The following RAB27A variants were observed in gnomAD, a reference collection of about 807,000 sequenced individuals.
RAB27A encodes ras-related protein Rab-27A.
RAB27A carries 17 observed loss-of-function variants against 20.8 expected under a neutral mutation model. That is an observed-to-expected ratio of 0.82 (90% CI 0.56 to 1.23). RAB27A has a LOEUF of 1.23. Among genes scored for constraint, RAB27A ranks in the 50% most tolerant of loss-of-function variants. The pLI, the probability that RAB27A is intolerant of heterozygous loss-of-function variation, is 0.00. For synonymous variants in RAB27A, 85 were observed against 92.8 expected (o/e 0.92, Z 0.48); for missense variants, 277 against 266.7 (o/e 1.04, Z -0.27).
At chr15:55,212,672 G>GTCAT (rs1415605289) in intron 6 of RAB27A, among the ~76,000 whole-genome samples, 1 of 151,992 alleles carries the variant, frequency 6.6e-6, no homozygotes, top group African/African-American at 2.4e-5. Context: ...TGGGATTACA[G>GTCAT]GCGGCTGCCA....
intron 6 of RAB27A, among the ~76,000 whole-genome samples, chr15:55,220,551 A>T (rs1160718029): frequency 6.6e-6 from 1 of 152,146 alleles, no homozygotes; most frequent in Non-Finnish European, 1.5e-5. Flanking sequence ...CATTGCAGGT[A>T]TGAGCCACCA....
intron 6 of RAB27A, among the ~76,000 whole-genome samples, chr15:55,219,884 T>G (rs1253552262): frequency 6.6e-6 from 1 of 152,160 alleles, no homozygotes; most frequent in African/African-American, 2.4e-5. Context: ...AGAGATCACT[T>G]TGATTTGTTA....
At chr15:55,210,412 G>GTGT (rs1555391924) in intron 6 of RAB27A, among the ~76,000 whole-genome samples, 6 of 128,014 alleles carry the variant, frequency 4.7e-5, no homozygotes, top group South Asian at 2.5e-4. Flanking sequence ...TTTAGGTGTG[G>GTGT]TTTTTTTTTT....
intron 1 of RAB27A, among the ~76,000 whole-genome samples, chr15:55,279,509 C>G (rs1441942358): frequency 6.6e-6 from 1 of 152,196 alleles, no homozygotes; most frequent in Non-Finnish European, 1.5e-5. Context: ...AGGGAGACAA[C>G]AGATGGCAAA....
chr15:55,225,475 T>C lies in RAB27A; in HGVS notation c.344-1463A>G, dbSNP rs188569195. Among the ~76,000 whole-genome samples the C allele has an allele frequency of 5.4e-4, 82 of 152,336 alleles. 1 individual carries two copies. Among genetic ancestry groups the C allele is most frequent in the Non-Finnish European group, 9.8e-4 (67 of 68,034 alleles). ...AGCCTTAGCATAACCTAAGAATTTG[T>C]TGACATGCAAGTCTCAGGTCCCACT... On this transcript the variant is annotated intron_variant, in intron 5 of 6. Transcript: ENST00000336787.
At chr15:55,266,810 C>T (rs1226733943) in intron 2 of RAB27A, among the ~76,000 whole-genome samples, 2 of 152,228 alleles carry the variant, frequency 1.3e-5, no homozygotes, top group African/African-American at 4.8e-5. Context: ...TACCACATTA[C>T]ACTGTACGGT....
At chr15:55,263,487 C>A (rs180987342) in intron 2 of RAB27A, among the ~76,000 whole-genome samples, 4 of 152,254 alleles carry the variant, frequency 2.6e-5, no homozygotes, top group Admixed American at 2.6e-4. Flanking sequence ...AATGCATTAG[C>A]TATCATCCGA....
chr15:55,268,771 T>C (rs1245269888), intron 2 of RAB27A, among the ~76,000 whole-genome samples: 2 of 152,210 alleles, frequency 1.3e-5, no homozygotes, highest in African/African-American at 4.8e-5. Context: ...TAAAATGTCA[T>C]ATTAAGAAGC....
rs1363698519 is a variant in RAB27A at position 55,301,995 on chromosome 15, A to C, written c.-112+12044T>G. On this transcript the variant is annotated intron_variant, in intron 2 of 5. Transcript: ENST00000563262. Reference sequence around the variant, plus strand: ...GGCCGGGGGCAGTGGCCTGGCCAATATGGTGAACCTGTCTCTACCAAAAAT... The same window carrying C: ...GGCCGGGGGCAGTGGCCTGGCCAATCTGGTGAACCTGTCTCTACCAAAAAT... 2.6e-5 allele frequency among the ~76,000 whole-genome samples: 4 copies of C among 152,108 alleles called. No homozygotes were observed. The East Asian group carries it at 7.8e-4, about 30-fold the overall frequency.
chr15:55,251,465 C>T (rs1351129441), intron 2 of RAB27A, among the ~76,000 whole-genome samples: 1 of 152,156 alleles, frequency 6.6e-6, no homozygotes, highest in Non-Finnish European at 1.5e-5. Flanking sequence ...AGAGAGAAAA[C>T]TGCAGGGAGG....
At chr15:55,212,395 C>A (rs1031341980) in intron 6 of RAB27A, among the ~76,000 whole-genome samples, 13 of 152,094 alleles carry the variant, frequency 8.5e-5, no homozygotes, top group African/African-American at 3.1e-4. Context: ...AAAACGCTGG[C>A]TTTGGGGAGT....
At chr15:55,241,616 ATATATATATG>A (rs1260827970) in intron 2 of RAB27A, among the ~76,000 whole-genome samples, 5 of 133,040 alleles carry the variant, frequency 3.8e-5, no homozygotes, top group African/African-American at 1.8e-4. Context: ...ATATATATAT[ATATATATATG>A]TGTGTATATA....
intron 2 of RAB27A, chr15:55,238,116 G>A (rs2140999198): frequency 6.6e-6 from 1 of 152,178 alleles, no homozygotes; most frequent in South Asian, 2.1e-4. Context: ...ATTAATCATA[G>A]TTTGCACTTT....
chr15:55,228,152 G>T (rs1312358477), intron 5 of RAB27A, among the ~76,000 whole-genome samples: 1 of 152,192 alleles, frequency 6.6e-6, no homozygotes, highest in African/African-American at 2.4e-5. Context: ...TCTAAGCACA[G>T]AAAAGACATG....
intron 2 of RAB27A, among the ~76,000 whole-genome samples, chr15:55,303,670 GC>G (rs1229590263): frequency 8.9e-6 from 1 of 111,984 alleles, no homozygotes; most frequent in Admixed American, 8.4e-5. Flanking sequence ...GGGGGGGTCA[GC>G]CCCCCTGCCC....
intron 2 of RAB27A, among the ~76,000 whole-genome samples, chr15:55,268,245 G>C (rs2141091502): frequency 6.6e-6 from 1 of 152,210 alleles, no homozygotes; most frequent in East Asian, 1.9e-4. Flanking sequence ...TGATAATGGG[G>C]GTTGGGGTTC....
At chr15:55,231,196 A>G (rs137976400) in intron 3 of RAB27A, among the ~76,000 whole-genome samples, 36 of 152,236 alleles carry the variant, frequency 2.4e-4, no homozygotes, top group African/African-American at 8.2e-4. Context: ...TATGTACCAC[A>G]TTTTCTCTAT....
chr15:55,216,573 A>C (rs934820597), intron 6 of RAB27A, among the ~76,000 whole-genome samples: 1 of 152,116 alleles, frequency 6.6e-6, no homozygotes, highest in Admixed American at 6.5e-5. Flanking sequence ...ATCCCAAAAA[A>C]GCAATGTCAC....
chr15:55,248,219 C>G (rs1896761441), intron 2 of RAB27A, among the ~76,000 whole-genome samples: 1 of 152,112 alleles, frequency 6.6e-6, no homozygotes. Context: ...ATTTTCATTT[C>G]CATAGTCAAA....
Sources: allele counts gnomAD v4.1 joint callset (sites outside exome capture counted in the v4.1 genomes callset), GRCh38; gene constraint gnomAD v4.1.1; transcripts MANE v1.5; gene names NCBI Gene and HGNC (gene_info 2026-07-23, HGNC 2026-07-21).